DLG2: variants seen among roughly 807,000 people sequenced by gnomAD.
DLG2 encodes the protein discs large MAGUK scaffold protein 2.
Under a neutral mutation model 132.5 loss-of-function variants are expected in DLG2, and 45 were observed. That is an observed-to-expected ratio of 0.34 (90% CI 0.27 to 0.44). DLG2 has a LOEUF of 0.44. Ranked by LOEUF, DLG2 falls within the 20% of genes least tolerant of loss-of-function variation. DLG2 has a pLI of 1.00. For synonymous variants in DLG2, 424 were observed against 419.6 expected, an observed-to-expected ratio of 1.01 and a Z score of -0.13; for missense variants, 1,045 against 1,196.9, an observed-to-expected ratio of 0.87 and a Z score of 1.87.
rs115246345 is a variant in DLG2, at chr11:84,230,332, C to T, written c.573+20906G>A. On this transcript the variant is annotated intron_variant, in intron 8 of 27. Transcript: ENST00000376104. ...TATAATTATCTGTTGTTTATTATCT[C>T]TATCCCTCAACATGAATTTAAACTC... is the stretch of plus-strand genomic sequence containing the variant. Among the ~76,000 whole-genome samples, 284 of 152,266 alleles carry T rather than the reference C, an allele frequency of 1.9e-3. 2 individuals are homozygous for T. The highest frequency in any genetic ancestry group is 6.6e-3 in the African/African-American group (275 of 41,566).
At chr11:83,853,466 AC>A (rs1428354823) in intron 16 of DLG2, among the ~76,000 whole-genome samples, 4 of 152,184 alleles carry the variant, frequency 2.6e-5, no homozygotes, top group African/African-American at 9.7e-5. Context: ...TAGGATTATT[AC>A]CATAAAGCAG....
intron 3 of DLG2, among the ~76,000 whole-genome samples, chr11:85,593,195 A>C (rs553102172): frequency 6.6e-6 from 1 of 152,330 alleles, no homozygotes; most frequent in African/African-American, 2.4e-5. Context: ...AGATTAAATC[A>C]GATCCTATAA....
chr11:84,202,030 G>C (rs183670596), intron 8 of DLG2, among the ~76,000 whole-genome samples: 29 of 151,804 alleles, frequency 1.9e-4, no homozygotes, highest in African/African-American at 6.5e-4. Context: ...TGTTGGCCAG[G>C]CTGGTCTCGA....
intron 16 of DLG2, among the ~76,000 whole-genome samples, chr11:83,850,201 T>C (rs895665006): frequency 1.3e-5 from 2 of 150,206 alleles, no homozygotes; most frequent in African/African-American, 4.9e-5. Context: ...TCTCCCAGGC[T>C]GGAGTGCAGT....
chr11:83,464,736 T>C (rs891773), intron 26 of DLG2, among the ~76,000 whole-genome samples: 51,893 of 152,110 alleles, frequency 0.34, 10,035 homozygotes, highest in African/African-American at 0.53. Flanking sequence ...CTCCTAATAT[T>C]GCACCGGACC....
At chr11:84,832,756 A>T (rs1445322217) in intron 6 of DLG2, among the ~76,000 whole-genome samples, 1 of 151,606 alleles carries the variant, frequency 6.6e-6, no homozygotes, top group Non-Finnish European at 1.5e-5. Context: ...TATTCTGCTG[A>T]TAGAAATTTC....
intron 7 of DLG2, among the ~76,000 whole-genome samples, chr11:84,324,235 T>C (rs2098419780): frequency 6.6e-6 from 1 of 152,110 alleles, no homozygotes; most frequent in Non-Finnish European, 1.5e-5. Context: ...TTGATTTTTG[T>C]GGGTGGTATA....
rs537932990 is a variant in DLG2, at chr11:85,223,191, T to G, written c.186+62029A>C. ...TAGCTCAAGAACCATTTAGGGTTTT[T>G]AAGGACATAGGAGTAAACATCAATG... On this transcript the variant is annotated intron_variant, in intron 4 of 27. Coordinates refer to ENST00000376104, the MANE Select transcript of DLG2 (RefSeq NM_001142699.3). 4.6e-5 allele frequency among the ~76,000 whole-genome samples: 7 copies of G among 152,312 alleles called. 1 individual carries two copies. The South Asian group carries it at 1.5e-3, about 32-fold the overall frequency.
chr11:84,324,283 C>T (rs2098420013), intron 7 of DLG2, among the ~76,000 whole-genome samples: 1 of 151,928 alleles, frequency 6.6e-6, no homozygotes, highest in South Asian at 2.1e-4. Context: ...TATTCTGTTT[C>T]CCAACATTAT....
Position 84,059,439 on chromosome 11 carries a change from C to T in DLG2, c.795G>A (p.Glu265=), listed in dbSNP as rs1363910367. 1.2e-5 allele frequency: 20 copies of T among 1,612,582 alleles called. No individual in the cohort carries two copies. The highest frequency in any genetic ancestry group is 1.6e-4 in the Middle Eastern group (1 of 6,078). Residue 265 remains glutamate, a synonymous_variant, in exon 11 of 28, where the codon GAG becomes GAA. Transcript: ENST00000376104. ...CTTCCACCGCTTTACTGTGGGAAAC[C>T]TCTGACACATCAACCTCATTCACCC... ...ILRVNEVDVS[E]VSHSKAVEAL...
At chr11:85,572,142 T>C (rs1378567102) in intron 3 of DLG2, among the ~76,000 whole-genome samples, 2 of 152,206 alleles carry the variant, frequency 1.3e-5, no homozygotes, top group Non-Finnish European at 2.9e-5. Flanking sequence ...CTGAAAGTTT[T>C]GGCCAGTTTT....
At chr11:83,646,708 T>A (rs1273634259) in intron 18 of DLG2, 2 of 152,222 alleles carry the variant, frequency 1.3e-5, no homozygotes, top group African/African-American at 4.8e-5. Flanking sequence ...CATGAATGAA[T>A]ACATCCAGGT....
chr11:85,236,927 C>A (rs2075616718), intron 4 of DLG2, among the ~76,000 whole-genome samples: 1 of 151,968 alleles, frequency 6.6e-6, no homozygotes, highest in South Asian at 2.1e-4. Flanking sequence ...GTCAATCCAC[C>A]CTTTCTCCCC....
intron 6 of DLG2, among the ~76,000 whole-genome samples, chr11:84,876,162 C>G (rs73516967): frequency 6.6e-6 from 1 of 152,086 alleles, no homozygotes; most frequent in Non-Finnish European, 1.5e-5. Flanking sequence ...CAAGAACGCA[C>G]AGCTAATCTA....
chr11:83,480,909 T>G (rs1389936239), intron 22 of DLG2, among the ~76,000 whole-genome samples: 1 of 152,106 alleles, frequency 6.6e-6, no homozygotes, highest in Non-Finnish European at 1.5e-5. Flanking sequence ...TCCCTTGAAT[T>G]TTATTTCTAT....
intron 11 of DLG2, among the ~76,000 whole-genome samples, chr11:83,997,850 GA>G (rs1481980253): frequency 2.0e-5 from 3 of 147,420 alleles, no homozygotes; most frequent in Non-Finnish European, 4.5e-5. Context: ...TAGATACTGA[GA>G]ATATTGAAGT....
At chr11:83,694,067 T>G (rs576890913) in intron 18 of DLG2, among the ~76,000 whole-genome samples, 2 of 152,248 alleles carry the variant, frequency 1.3e-5, no homozygotes, top group African/African-American at 4.8e-5. Context: ...AATACATAAG[T>G]ATTATTGGTC....
intron 15 of DLG2, among the ~76,000 whole-genome samples, chr11:83,917,544 T>C (rs1185332826): frequency 3.3e-5 from 5 of 152,164 alleles, no homozygotes; most frequent in Non-Finnish European, 7.4e-5. Flanking sequence ...GTCCTAACTC[T>C]GAAATCAAAA....
chr11:83,769,190 C>T (rs776136055), intron 18 of DLG2, among the ~76,000 whole-genome samples: 14 of 151,822 alleles, frequency 9.2e-5, no homozygotes, highest in Non-Finnish European at 1.8e-4. Context: ...TAGAGCAAAA[C>T]CTCTCCTTTG....
Sources: gnomAD v4.1 joint callset for allele counts (sites outside exome capture counted in the v4.1 genomes callset) on GRCh38, gnomAD v4.1.1 for gene constraint, MANE v1.5 for transcripts, NCBI Gene and HGNC (gene_info 2026-07-23, HGNC 2026-07-21) for gene names.